Variants in PDE4B observed in about 807,000 individuals in gnomAD.
PDE4B encodes the protein 3',5'-cyclic-AMP phosphodiesterase 4B.
A neutral mutation model predicts 82.2 loss-of-function variants in PDE4B; 20 were observed. The observed-to-expected ratio is 0.24, with a 90% confidence interval of 0.17 to 0.35. The LOEUF (loss-of-function observed/expected upper bound fraction) is 0.35. Among genes scored for constraint, PDE4B ranks in the 10% least tolerant of loss-of-function variants. PDE4B has a pLI of 1.00. For missense variants in PDE4B, 655 were observed against 907.2 expected (o/e 0.72, Z 3.57); for synonymous variants, 320 against 318.9 (o/e 1.00, Z -0.04).
At chr1:66,109,657 T>G (rs1009934654) in intron 3 of PDE4B, among the ~76,000 whole-genome samples, 3 of 151,878 alleles carry the variant, frequency 2.0e-5, no homozygotes, top group African/African-American at 7.2e-5. Flanking sequence ...CCTTTTCAAG[T>G]TTTTTAATAT....
intron 1 of PDE4B, among the ~76,000 whole-genome samples, chr1:65,847,504 G>A (rs532203448): frequency 6.6e-6 from 1 of 152,172 alleles, no homozygotes; most frequent in Non-Finnish European, 1.5e-5. Context: ...AGTTGATGGG[G>A]CTACCTCTTT....
chr1:66,212,618 C>T (rs1431695661), intron 3 of PDE4B, among the ~76,000 whole-genome samples: 3 of 152,016 alleles, frequency 2.0e-5, no homozygotes, highest in African/African-American at 7.3e-5. Flanking sequence ...TATTGTCTTT[C>T]CCCCCACCAG....
chr1:65,815,238 C>G (rs1277869056), intron 1 of PDE4B, among the ~76,000 whole-genome samples: 1 of 128,708 alleles, frequency 7.8e-6, no homozygotes, highest in Non-Finnish European at 1.6e-5. Flanking sequence ...CATTTTTAAG[C>G]AAGCATAACT....
At chr1:66,032,173 G>C (rs1030322440) in intron 3 of PDE4B, among the ~76,000 whole-genome samples, 2 of 152,156 alleles carry the variant, frequency 1.3e-5, no homozygotes, top group Admixed American at 6.5e-5. Flanking sequence ...TCATAAAACT[G>C]TTTTGAGGAT....
chr1:66,360,405 G>A (rs1662665380), intron 9 of PDE4B: 2 of 152,086 alleles, frequency 1.3e-5, no homozygotes, highest in South Asian at 4.1e-4. Context: ...GAGGTCTCTG[G>A]GGAAAACATG....
intron 3 of PDE4B, among the ~76,000 whole-genome samples, chr1:66,089,843 T>A (rs538077481): frequency 1.3e-5 from 2 of 152,234 alleles, no homozygotes; most frequent in South Asian, 4.1e-4. Context: ...TCTGTCATTA[T>A]GCTATTATAG....
At chr1:65,861,411 C>T (rs953947549) in intron 1 of PDE4B, among the ~76,000 whole-genome samples, 6 of 152,134 alleles carry the variant, frequency 3.9e-5, no homozygotes, top group African/African-American at 1.4e-4. Flanking sequence ...GTCTTTATAT[C>T]TGTTTTGGTA....
chr1:66,370,150 CAAAAAAAAAA>C (rs752920376), intron 16 of PDE4B, among the ~76,000 whole-genome samples: 8 of 28,654 alleles, frequency 2.8e-4, no homozygotes, highest in South Asian at 1.4e-3. Flanking sequence ...GACTCTATCT[CAAAAAAAAAA>C]AAAAAAAAAA....
chr1:66,324,270 T>A (rs1659599307), intron 7 of PDE4B, among the ~76,000 whole-genome samples: 1 of 152,116 alleles, frequency 6.6e-6, no homozygotes, highest in African/African-American at 2.4e-5. Flanking sequence ...AATCAATATG[T>A]CAATCAATAT....
At chr1:66,101,854 A>G (rs1174196276) in intron 3 of PDE4B, among the ~76,000 whole-genome samples, 2 of 152,152 alleles carry the variant, frequency 1.3e-5, no homozygotes, top group South Asian at 2.1e-4. Context: ...CCATTTGTCA[A>G]TTTTGGCTTT....
intron 3 of PDE4B, among the ~76,000 whole-genome samples, chr1:66,190,933 G>C (rs1028467662): frequency 3.3e-5 from 5 of 152,124 alleles, no homozygotes; most frequent in African/African-American, 1.2e-4. Flanking sequence ...CGTCACTCAC[G>C]CTGGGAGCTG....
At chr1:66,295,300 A>G (rs1258825370) in intron 7 of PDE4B, among the ~76,000 whole-genome samples, 16 of 152,202 alleles carry the variant, frequency 1.1e-4, no homozygotes, top group Admixed American at 9.8e-4. Context: ...ATGACTCACA[A>G]TAAAACATAT....
At chr1:66,037,800 T>C (rs1654148167) in intron 3 of PDE4B, among the ~76,000 whole-genome samples, 2 of 152,096 alleles carry the variant, frequency 1.3e-5, no homozygotes, top group Non-Finnish European at 2.9e-5. Context: ...TTTTATGTTG[T>C]GGCAAAAATT....
chr1:66,093,916 TTTCA>T (rs575638684), intron 3 of PDE4B, among the ~76,000 whole-genome samples: 15 of 152,020 alleles, frequency 9.9e-5, no homozygotes, highest in Non-Finnish European at 1.5e-4. Flanking sequence ...CTTGATGTTC[TTTCA>T]TTCATTCAAT....
At chr1:65,850,054 CAT>C (rs1246036280) in intron 1 of PDE4B, among the ~76,000 whole-genome samples, 1 of 150,838 alleles carries the variant, frequency 6.6e-6, no homozygotes, top group Non-Finnish European at 1.5e-5. Context: ...ACCAGCAATA[CAT>C]GAGTGTTTCA....
Position 66,370,175 on chromosome 1 carries a change from A to G in PDE4B, c.1845+1206A>G, listed in dbSNP as rs531476315. Among the ~76,000 whole-genome samples the G allele has an allele frequency of 2.9e-4, 43 of 150,064 alleles. 1 individual carries two copies. The highest frequency in any genetic ancestry group is 9.7e-4 in the East Asian group (5 of 5,170). ...CAAAAAAAAAAAAAAAAAAAAAAAA[A>G]AAAGAAAGAAATCTGTGAAAGTGCT... is the stretch of plus-strand genomic sequence containing the variant. On this transcript the variant is annotated intron_variant, in intron 16 of 16. Transcript: ENST00000341517.
At chr1:66,311,505 AAT>A (rs1475144710) in intron 7 of PDE4B, among the ~76,000 whole-genome samples, 2 of 152,220 alleles carry the variant, frequency 1.3e-5, no homozygotes, top group Non-Finnish European at 2.9e-5. Flanking sequence ...CTTTGCTTTC[AAT>A]ATGTTTACTA....
intron 3 of PDE4B, among the ~76,000 whole-genome samples, chr1:66,027,188 C>T (rs940946841): frequency 1.3e-5 from 2 of 152,204 alleles, no homozygotes; most frequent in African/African-American, 4.8e-5. Context: ...GGACTTACCA[C>T]ATGGCTGCAG....
At chr1:66,231,392 ATT>A (rs1651936533) in intron 3 of PDE4B, among the ~76,000 whole-genome samples, 1 of 152,236 alleles carries the variant, frequency 6.6e-6, no homozygotes, top group Non-Finnish European at 1.5e-5. Flanking sequence ...CAACTGAGTA[ATT>A]TACCAGTAAG....
Sources: gnomAD v4.1 joint callset for allele counts (sites outside exome capture counted in the v4.1 genomes callset) on GRCh38, gnomAD v4.1.1 for gene constraint, MANE v1.5 for transcripts, NCBI Gene and HGNC (gene_info 2026-07-23, HGNC 2026-07-21) for gene names.